Variants in TBC1D22A observed in about 807,000 individuals in gnomAD.
TBC1D22A encodes the protein TBC1 domain family member 22A.
Under a neutral mutation model 60.2 loss-of-function variants are expected in TBC1D22A, and 38 were observed. That is an observed-to-expected ratio of 0.63 (90% CI 0.49 to 0.83). The LOEUF is 0.83. TBC1D22A is among the 40% of genes least tolerant of loss of function. The pLI, the probability that TBC1D22A is intolerant of heterozygous loss-of-function variation, is 0.00. For missense variants in TBC1D22A, 628 were observed against 701.0 expected, an observed-to-expected ratio of 0.90 and a Z score of 1.18; for synonymous variants, 302 against 281.7, an observed-to-expected ratio of 1.07 and a Z score of -0.72.
At chr22:47,049,150 C>T (rs192731880) in intron 11 of TBC1D22A, among the ~76,000 whole-genome samples, 14 of 152,330 alleles carry the variant, frequency 9.2e-5, no homozygotes, top group African/African-American at 3.1e-4. Context: ...GCCGGGTACA[C>T]GTTGTGCTCT....
At chr22:46,896,133 G>A (rs1335203656) in intron 7 of TBC1D22A, among the ~76,000 whole-genome samples, 1 of 152,124 alleles carries the variant, frequency 6.6e-6, no homozygotes, top group Non-Finnish European at 1.5e-5. Context: ...GCATCTCTTT[G>A]TATATTTACG....
At chr22:46,949,592 G>A (rs989942554) in intron 8 of TBC1D22A, among the ~76,000 whole-genome samples, 21 of 152,326 alleles carry the variant, frequency 1.4e-4, no homozygotes, top group South Asian at 4.1e-4. Context: ...AGATGGAAGC[G>A]TCTGAATGGA....
At chr22:47,052,194 C>T (rs967856497) in intron 11 of TBC1D22A, among the ~76,000 whole-genome samples, 1 of 152,236 alleles carries the variant, frequency 6.6e-6, no homozygotes, top group Non-Finnish European at 1.5e-5. Flanking sequence ...TTTTTCTGAA[C>T]ACGTATTTAG....
intron 11 of TBC1D22A, among the ~76,000 whole-genome samples, chr22:47,078,744 TC>T (rs1429042878): frequency 6.6e-6 from 1 of 152,236 alleles, no homozygotes; most frequent in Non-Finnish European, 1.5e-5. Flanking sequence ...AACCCATTAC[TC>T]ACAAGGCAGC....
At chr22:46,995,041 A>G (rs975430772) in intron 9 of TBC1D22A, among the ~76,000 whole-genome samples, 4 of 152,234 alleles carry the variant, frequency 2.6e-5, no homozygotes, top group African/African-American at 7.2e-5. Flanking sequence ...CACTGACACC[A>G]TCGCAGCTCC....
At chr22:46,997,779 G>T (rs796790646) in intron 10 of TBC1D22A, 70 bp downstream of exon 10, 3 of 1,462,870 alleles carry the variant, frequency 2.1e-6, no homozygotes, top group South Asian at 2.3e-5. Context: ...CGGTGGGACA[G>T]GGAGCTGTCC....
chr22:47,016,614 G>A (rs909452161), intron 10 of TBC1D22A, among the ~76,000 whole-genome samples: 8 of 152,128 alleles, frequency 5.3e-5, no homozygotes, highest in East Asian at 3.9e-4. Flanking sequence ...GAACTCTGCC[G>A]TCCCGAAGCT....
chr22:46,869,552 G>T lies in TBC1D22A; in HGVS notation c.638-9101G>T, dbSNP rs74748437. Among the ~76,000 whole-genome samples the T allele has an allele frequency of 1.6e-3, 238 of 152,332 alleles. 1 individual carries two copies. Among genetic ancestry groups the T allele is most frequent in the African/African-American group, 5.6e-3 (231 of 41,568 alleles). On this transcript the variant is annotated intron_variant, in intron 4 of 12. Coordinates refer to ENST00000337137, the MANE Select transcript of TBC1D22A (RefSeq NM_014346.5). ...CTTTGCCCAGAGGCAGCTTACACAGGGGGCATGCTCAGCAAGTGCTGGCCA... is the reference window on the plus strand; with the variant it reads ...CTTTGCCCAGAGGCAGCTTACACAGTGGGCATGCTCAGCAAGTGCTGGCCA...
At chr22:47,051,989 A>G (rs2063238976) in intron 11 of TBC1D22A, among the ~76,000 whole-genome samples, 1 of 152,160 alleles carries the variant, frequency 6.6e-6, no homozygotes, top group Non-Finnish European at 1.5e-5. Context: ...CCTCTGGGGA[A>G]TCTGTGAGTG....
intron 9 of TBC1D22A, 147 bp from the exon 10 acceptor site, chr22:46,997,487 C>G (rs1463105475): frequency 3.1e-6 from 2 of 645,152 alleles, no homozygotes; most frequent in Non-Finnish European, 5.5e-6. Context: ...CAGGGTGCAT[C>G]CACTTGTGTG....
At chr22:47,055,868 G>A (rs1415287295) in intron 11 of TBC1D22A, among the ~76,000 whole-genome samples, 1 of 152,070 alleles carries the variant, frequency 6.6e-6, no homozygotes, top group Non-Finnish European at 1.5e-5. Flanking sequence ...ACGCCACGGA[G>A]GGTTGATGAG....
intron 1 of TBC1D22A, among the ~76,000 whole-genome samples, chr22:46,780,845 C>T (rs917933041): frequency 6.6e-6 from 1 of 152,232 alleles, no homozygotes; most frequent in African/African-American, 2.4e-5. Context: ...CTGTGTTGCA[C>T]GCTGCTGTCA....
chr22:46,951,879 A>G (rs376756221), intron 8 of TBC1D22A, among the ~76,000 whole-genome samples: 1 of 152,250 alleles, frequency 6.6e-6, no homozygotes, highest in African/African-American at 2.4e-5. Flanking sequence ...GAGGCTCTGC[A>G]TGAGGGGAGA....
At position 47,028,202 on chromosome 22, in the gene TBC1D22A, C is replaced by G. The variant is rs1386705535; in HGVS notation, c.1202-8869C>G. 6.6e-6 allele frequency among the ~76,000 whole-genome samples: 1 copy of G among 152,202 alleles called. No individual in the cohort carries two copies. Among genetic ancestry groups the G allele is most frequent in the Non-Finnish European group, 1.5e-5 (1 of 68,036 alleles). The stretch of plus-strand genomic sequence containing the variant: ...CAAAAAAATAGACCTCAATACCTCT[C>G]TAGAGATGAAAAGATTGCGTGCTGT... On this transcript the variant is annotated intron_variant, in intron 10 of 12. Coordinates refer to ENST00000337137, the MANE Select transcript of TBC1D22A (RefSeq NM_014346.5). This position sits in a 1 kb window ranked among gnomAD's most constrained non-coding sequence, Gnocchi z 4.4.
intron 5 of TBC1D22A, among the ~76,000 whole-genome samples, chr22:46,884,744 G>T (rs940822122): frequency 1.3e-5 from 2 of 152,254 alleles, no homozygotes; most frequent in African/African-American, 4.8e-5. Context: ...AGGATTGGCT[G>T]ATGGTCAGTT....
At chr22:46,951,801 G>A (rs1379030002) in intron 8 of TBC1D22A, among the ~76,000 whole-genome samples, 2 of 152,222 alleles carry the variant, frequency 1.3e-5, no homozygotes, top group Non-Finnish European at 2.9e-5. Context: ...GCTTTGTTTT[G>A]TAGGAAATGT....
Position 46,919,906 on chromosome 22 carries a change from A to C in TBC1D22A, c.1015+7718A>C, listed in dbSNP as rs142060772. Reference sequence around the variant, plus strand: ...CTGCTGTTTTCCCCATAGCCCAGCAACTTCAGTGTTGACAGCCTTTGTGCC... The same window carrying C: ...CTGCTGTTTTCCCCATAGCCCAGCACCTTCAGTGTTGACAGCCTTTGTGCC... On this transcript the variant is annotated intron_variant, in intron 8 of 12. Coordinates refer to ENST00000337137, the MANE Select transcript of TBC1D22A (RefSeq NM_014346.5). 1.5e-3 allele frequency among the ~76,000 whole-genome samples: 221 copies of C among 152,242 alleles called. 1 individual carries two copies. The highest frequency in any genetic ancestry group is 5.0e-3 in the African/African-American group (208 of 41,538).
chr22:46,778,160 G>A (rs112340482), intron 1 of TBC1D22A, among the ~76,000 whole-genome samples: 4 of 152,226 alleles, frequency 2.6e-5, no homozygotes, highest in Non-Finnish European at 5.9e-5. Flanking sequence ...GTGGGTCGGT[G>A]AATGAAGGGT....
At chr22:47,122,302 C>G (rs1427206244) in intron 12 of TBC1D22A, among the ~76,000 whole-genome samples, 1 of 152,304 alleles carries the variant, frequency 6.6e-6, no homozygotes, top group East Asian at 1.9e-4. Context: ...ACGAGGTTTC[C>G]CGAACTGCCC....
Sources: allele counts gnomAD v4.1 joint callset (sites outside exome capture counted in the v4.1 genomes callset), GRCh38; gene constraint gnomAD v4.1.1; non-coding constraint Gnocchi (gnomAD v3.1); transcripts MANE v1.5; gene names NCBI Gene and HGNC (gene_info 2026-07-23, HGNC 2026-07-21).